The following SPAG9 variants were observed in gnomAD, a reference collection of about 807,000 sequenced individuals.
SPAG9 encodes the protein C-Jun-amino-terminal kinase-interacting protein 4.
SPAG9 carries 35 observed loss-of-function variants against 166.5 expected under a neutral mutation model. The observed-to-expected ratio is 0.21, with a 90% CI of 0.16 to 0.28. The LOEUF is 0.28. Among genes scored for constraint, SPAG9 ranks in the 10% least tolerant of loss-of-function variants. The pLI, the probability that SPAG9 is intolerant of heterozygous loss-of-function variation, is 1.00. For missense variants in SPAG9, 1,235 were observed against 1,603.3 expected (o/e 0.77, Z 3.92); for synonymous variants, 534 against 565.5 (o/e 0.94, Z 0.79).
intron 2 of SPAG9, among the ~76,000 whole-genome samples, chr17:51,067,830 C>T (rs2047716384): frequency 6.6e-6 from 1 of 152,140 alleles, no homozygotes; most frequent in Non-Finnish European, 1.5e-5. Flanking sequence ...GATACTTCAG[C>T]CTCATTTTGA....
chr17:51,055,306 T>G (rs1039042288), intron 3 of SPAG9, among the ~76,000 whole-genome samples: 2 of 152,014 alleles, frequency 1.3e-5, no homozygotes, highest in Non-Finnish European at 2.9e-5. Flanking sequence ...TGAGCCGAGA[T>G]TGCGCCACTG....
At chr17:51,091,348 A>G (rs746023034) in intron 1 of SPAG9, among the ~76,000 whole-genome samples, 2 of 152,084 alleles carry the variant, frequency 1.3e-5, no homozygotes, top group Non-Finnish European at 2.9e-5. Context: ...ATGTGACTTA[A>G]TTGCTTGCCA....
At chr17:51,100,376 G>C (rs1405367002) in intron 1 of SPAG9, among the ~76,000 whole-genome samples, 1 of 152,170 alleles carries the variant, frequency 6.6e-6, no homozygotes, top group East Asian at 1.9e-4. Context: ...AGGCCAAGGT[G>C]GGCAGACTGC....
At chr17:51,085,997 C>T (rs544806582) in intron 1 of SPAG9, among the ~76,000 whole-genome samples, 5 of 115,312 alleles carry the variant, frequency 4.3e-5, no homozygotes, top group African/African-American at 1.7e-4. Context: ...GACAGAGAGT[C>T]TCACTCTGTC....
At chr17:51,001,565 G>T in intron 13 of SPAG9, 150 bp downstream of exon 13, 1 of 691,226 alleles carries the variant, frequency 1.4e-6, no homozygotes, top group Non-Finnish European at 2.2e-6. Flanking sequence ...ACATTCTGTT[G>T]CTAATTCTGA....
At chr17:51,073,078 C>T (rs1260978936) in intron 2 of SPAG9, among the ~76,000 whole-genome samples, 1 of 152,124 alleles carries the variant, frequency 6.6e-6, no homozygotes, top group Non-Finnish European at 1.5e-5. Context: ...GTAATCCCAG[C>T]GCTTTGGGAG....
chr17:50,978,117 G>C (rs1384604071), intron 26 of SPAG9, among the ~76,000 whole-genome samples: 1 of 152,154 alleles, frequency 6.6e-6, no homozygotes, highest in Non-Finnish European at 1.5e-5. Flanking sequence ...TTTTACAACT[G>C]ATCTTATTTT....
intron 1 of SPAG9, among the ~76,000 whole-genome samples, chr17:51,097,172 G>T (rs545796240): frequency 6.6e-6 from 1 of 152,326 alleles, no homozygotes; most frequent in East Asian, 1.9e-4. Context: ...TTCCTGCAGG[G>T]TGACATGTAC....
At chr17:51,025,316 CAAAAAAAAAAAAAA>C (rs10549685) in intron 6 of SPAG9, among the ~76,000 whole-genome samples, 9,307 of 61,424 alleles carry the variant, frequency 0.15, 424 homozygotes, top group Middle Eastern at 0.26. Context: ...GACTCTGTCT[CAAAAAAAAAAAAAA>C]AAAAAAAAAA....
chr17:51,091,466 G>GT (rs569115942), intron 1 of SPAG9, among the ~76,000 whole-genome samples: 4 of 151,716 alleles, frequency 2.6e-5, no homozygotes, highest in South Asian at 4.2e-4. Context: ...AAGCGCAGCA[G>GT]TTTTTTTTGT....
At position 50,963,058 on chromosome 17, in the gene SPAG9, G is replaced by A. The variant is rs1973197434; in HGVS notation, c.*3214C>T. On this transcript the variant is annotated 3_prime_UTR_variant, in exon 30 of 30. Transcript: ENST00000262013. The stretch of plus-strand genomic sequence containing the variant: ...CACAGAGATTTTAACCTGCATTTAA[G>A]AGTAAGTGTTAGGTTGAGGCATATG... 1 of 152,212 alleles carries A rather than the reference G, an allele frequency of 6.6e-6. No individual in the cohort carries two copies. The highest frequency in any genetic ancestry group is 1.5e-5 in the Non-Finnish European group (1 of 68,042). 9.4% of individuals were successfully genotyped at this position (152,212 alleles called of 1,614,324 possible).
intron 14 of SPAG9, among the ~76,000 whole-genome samples, chr17:50,999,243 A>G (rs1344878599): frequency 2.0e-5 from 3 of 152,194 alleles, no homozygotes; most frequent in African/African-American, 7.2e-5. Flanking sequence ...AGCTCAATAC[A>G]TACACAATAT....
At chr17:50,983,279 A>T (rs1167239699) in intron 24 of SPAG9, among the ~76,000 whole-genome samples, 1 of 152,038 alleles carries the variant, frequency 6.6e-6, no homozygotes, top group Non-Finnish European at 1.5e-5. Context: ...GTAATCACCC[A>T]CTCGTCTGCA....
intron 9 of SPAG9, among the ~76,000 whole-genome samples, chr17:51,012,908 G>A (rs142000413): frequency 1.3e-5 from 2 of 151,718 alleles, no homozygotes; most frequent in African/African-American, 2.4e-5. Context: ...CACCATGCCT[G>A]GCTAATTTTG....
chr17:51,029,809 T>A (rs1007803899), intron 6 of SPAG9, among the ~76,000 whole-genome samples: 1 of 152,188 alleles, frequency 6.6e-6, no homozygotes, highest in African/African-American at 2.4e-5. Context: ...AGTTTTAGAT[T>A]TGCAAGATGA....
In SPAG9 at chr17:50,968,392, T is replaced by G. The variant is rs558402675; in HGVS notation, c.3851-2005A>C. On this transcript the variant is annotated intron_variant, in intron 29 of 29. Transcript: ENST00000262013. ...GCCTACTGCCTTATGTCTGGGAACT[T>G]TTTGAAGCACTGAGATTTTAAGCGA... Among the ~76,000 whole-genome samples, 3 of 152,344 alleles carry G rather than the reference T, an allele frequency of 2.0e-5. No individual in the cohort carries two copies. The East Asian group carries it at 5.8e-4, about 29-fold the overall frequency.
At chr17:51,013,250 G>T (rs1426484653) in intron 9 of SPAG9, among the ~76,000 whole-genome samples, 3 of 151,986 alleles carry the variant, frequency 2.0e-5, no homozygotes, top group Non-Finnish European at 4.4e-5. Flanking sequence ...ATCTCCAAAG[G>T]TATATATTTT....
chr17:51,095,942 T>C (rs1225137739), intron 1 of SPAG9, among the ~76,000 whole-genome samples: 1 of 114,574 alleles, frequency 8.7e-6, no homozygotes, highest in Non-Finnish European at 1.8e-5. Flanking sequence ...TATAGTGATA[T>C]AGTTATATAT....
At chr17:51,046,505 T>C in intron 4 of SPAG9, 1 of 1,535,374 alleles carries the variant, frequency 6.5e-7, no homozygotes, top group Non-Finnish European at 8.7e-7. Context: ...AGTACCTGAG[T>C]ATCCTTGGTA....
Sources: gnomAD v4.1 joint callset for allele counts (sites outside exome capture counted in the v4.1 genomes callset) on GRCh38, gnomAD v4.1.1 for gene constraint, MANE v1.5 for transcripts, NCBI Gene and HGNC (gene_info 2026-07-23, HGNC 2026-07-21) for gene names.